PRKCB: variants seen among roughly 807,000 people sequenced by gnomAD.
PRKCB encodes the protein protein kinase C beta type.
PRKCB carries 13 observed loss-of-function variants against 81.5 expected under a neutral mutation model. The ratio of observed to expected loss-of-function variants is 0.16; its 90% confidence interval spans 0.10 to 0.25. PRKCB has a LOEUF of 0.25. PRKCB is among the 10% of genes least tolerant of loss of function. PRKCB has a pLI of 1.00. For missense variants in PRKCB, 509 were observed against 875.7 expected (o/e 0.58, Z 5.29); for synonymous variants, 335 against 321.4 (o/e 1.04, Z -0.45).
At chr16:24,209,086 C>A (rs929428040) in intron 16 of PRKCB, among the ~76,000 whole-genome samples, 1 of 152,030 alleles carries the variant, frequency 6.6e-6, no homozygotes, top group Non-Finnish European at 1.5e-5. Context: ...GAGGCCCAGG[C>A]GAAGAAACAG....
At chr16:23,882,115 C>T (rs1206652672) in intron 2 of PRKCB, among the ~76,000 whole-genome samples, 2 of 145,098 alleles carry the variant, frequency 1.4e-5, no homozygotes, top group Non-Finnish European at 3.0e-5. Flanking sequence ...CCCTGTTTCT[C>T]GCAGGCCAGG....
intron 2 of PRKCB, among the ~76,000 whole-genome samples, chr16:23,838,694 G>C (rs1396361732): frequency 6.6e-6 from 1 of 152,248 alleles, no homozygotes; most frequent in Non-Finnish European, 1.5e-5. Context: ...TCCCTAGTGA[G>C]TGTAGGTGGC....
At position 24,112,601 on chromosome 16, in the gene PRKCB, T is replaced by G. The variant is rs377189768; in HGVS notation, c.822-372T>G. Among the ~76,000 whole-genome samples, 4 of 152,280 alleles carry G rather than the reference T, an allele frequency of 2.6e-5. No individual in the cohort carries two copies. The East Asian group carries it at 5.8e-4, about 22-fold the overall frequency. ...TTACGATGAGGGATCTTCATAGCATTCTTTCAGAATAAGAAACTACTTAAT... is the reference window on the plus strand; with the variant it reads ...TTACGATGAGGGATCTTCATAGCATGCTTTCAGAATAAGAAACTACTTAAT... On this transcript the variant is annotated intron_variant, in intron 7 of 16. Transcript: ENST00000643927.
chr16:24,032,328 G>A, intron 4 of PRKCB, 81 bp downstream of exon 4: 2 of 974,644 alleles, frequency 2.1e-6, no homozygotes, highest in Admixed American at 2.0e-5. Context: ...TTGGGGTCCA[G>A]GTCTGCCATA....
chr16:24,031,798 G>A (rs1045645060), intron 3 of PRKCB, among the ~76,000 whole-genome samples: 3 of 152,212 alleles, frequency 2.0e-5, no homozygotes, highest in Non-Finnish European at 2.9e-5. Context: ...TAGATGATGT[G>A]TCTGTTACTT....
chr16:24,148,298 C>CGGAGTGG (rs1967024671), intron 9 of PRKCB, among the ~76,000 whole-genome samples: 1 of 152,128 alleles, frequency 6.6e-6, no homozygotes, highest in Non-Finnish European at 1.5e-5. Context: ...TTAAGTCTTC[C>CGGAGTGG]ATTTAAACAC....
At chr16:23,982,522 G>A (rs754362734) in intron 2 of PRKCB, among the ~76,000 whole-genome samples, 5 of 151,598 alleles carry the variant, frequency 3.3e-5, no homozygotes, top group Admixed American at 6.6e-5. Flanking sequence ...CCAGCCTCCC[G>A]GGTTCAACCA....
intron 4 of PRKCB, among the ~76,000 whole-genome samples, chr16:24,032,999 A>C (rs541094914): frequency 6.6e-6 from 1 of 152,284 alleles, no homozygotes; most frequent in South Asian, 2.1e-4. Context: ...AGGAGGAAAG[A>C]GCATCATTCT....
chr16:24,005,556 T>C (rs1479427871), intron 3 of PRKCB, among the ~76,000 whole-genome samples: 1 of 152,212 alleles, frequency 6.6e-6, no homozygotes, highest in African/African-American at 2.4e-5. Context: ...CTTCCAAATG[T>C]GGTTACTCTT....
At chr16:24,104,851 G>A (rs1029761139) in intron 7 of PRKCB, among the ~76,000 whole-genome samples, 16 of 152,092 alleles carry the variant, frequency 1.1e-4, no homozygotes, top group African/African-American at 2.9e-4. Context: ...GAGGGTTGGC[G>A]GATCCTGTCG....
At chr16:23,896,653 G>A (rs958743890) in intron 2 of PRKCB, among the ~76,000 whole-genome samples, 4 of 152,162 alleles carry the variant, frequency 2.6e-5, no homozygotes, top group African/African-American at 9.7e-5. Flanking sequence ...GTGAAGAGAG[G>A]AAGGAAGAAA....
At chr16:23,917,244 G>A (rs780786196) in intron 2 of PRKCB, among the ~76,000 whole-genome samples, 9 of 151,958 alleles carry the variant, frequency 5.9e-5, no homozygotes, top group Non-Finnish European at 8.8e-5. Context: ...TACCACACCC[G>A]GCTAATTTTT....
chr16:24,096,688 T>A (rs1342503193), intron 7 of PRKCB, among the ~76,000 whole-genome samples: 78 of 133,628 alleles, frequency 5.8e-4, no homozygotes, highest in African/African-American at 9.8e-4. Context: ...TATATATATA[T>A]ATATATATAT....
intron 2 of PRKCB, among the ~76,000 whole-genome samples, chr16:23,849,512 A>T (rs1427244306): frequency 6.6e-6 from 1 of 152,110 alleles, no homozygotes; most frequent in East Asian, 1.9e-4. Flanking sequence ...TTGCATGTGT[A>T]TGTGTGGATT....
chr16:23,946,953 T>C (rs1044236638), intron 2 of PRKCB, among the ~76,000 whole-genome samples: 4 of 152,048 alleles, frequency 2.6e-5, no homozygotes, highest in Non-Finnish European at 4.4e-5. Context: ...CCTTCTAGGC[T>C]TAAGCGATTC....
At chr16:23,984,713 C>T (rs1355882006) in intron 2 of PRKCB, among the ~76,000 whole-genome samples, 5 of 152,060 alleles carry the variant, frequency 3.3e-5, no homozygotes, top group Non-Finnish European at 5.9e-5. Flanking sequence ...AATTTAAACA[C>T]GTTGAGAAGA....
chr16:24,185,380 G>A (rs1967687516), intron 14 of PRKCB, 80 bp from the exon 15 acceptor site: 1 of 1,359,112 alleles, frequency 7.4e-7, no homozygotes, highest in Non-Finnish European at 1.0e-6. Context: ...GCCCCAGGGA[G>A]GAGGGTCTGC....
chr16:23,912,294 G>A (rs1171748624), intron 2 of PRKCB, among the ~76,000 whole-genome samples: 1 of 151,976 alleles, frequency 6.6e-6, no homozygotes, highest in Non-Finnish European at 1.5e-5. Context: ...CTTGAGGGTA[G>A]CATCTATATT....
chr16:24,079,602 C>T (rs953597145), intron 5 of PRKCB, among the ~76,000 whole-genome samples: 10 of 152,160 alleles, frequency 6.6e-5, no homozygotes, highest in Non-Finnish European at 1.3e-4. Context: ...ATCAGGGTGA[C>T]AAACCAGAAA....
Sources: allele counts gnomAD v4.1 joint callset (sites outside exome capture counted in the v4.1 genomes callset), GRCh38; gene constraint gnomAD v4.1.1; transcripts MANE v1.5; gene names NCBI Gene and HGNC (gene_info 2026-07-23, HGNC 2026-07-21).